The following UBASH3B variants were observed in gnomAD, a reference collection of about 807,000 sequenced individuals.
The protein encoded by UBASH3B is ubiquitin associated and SH3 domain containing B, also known as ubiquitin-associated and SH3 domain-containing protein B.
Under a neutral mutation model 83.4 loss-of-function variants are expected in UBASH3B, and 37 were observed. That is an observed-to-expected ratio of 0.44 (90% confidence interval 0.34 to 0.58). The LOEUF is 0.58. Ranked by LOEUF, UBASH3B falls within the 20% of genes least tolerant of loss-of-function variation. UBASH3B has a pLI of 0.01. For missense variants in UBASH3B, 657 were observed against 827.2 expected (o/e 0.79, Z 2.52); for synonymous variants, 304 against 318.3 (o/e 0.96, Z 0.48).
chr11:122,736,961 C>T (rs544043682), intron 1 of UBASH3B, among the ~76,000 whole-genome samples: 2 of 152,162 alleles, frequency 1.3e-5, no homozygotes, highest in Admixed American at 1.3e-4. Flanking sequence ...AAGATTTAAG[C>T]TAAGATTGAG....
At chr11:122,698,944 A>G (rs1863998478) in intron 1 of UBASH3B, among the ~76,000 whole-genome samples, 1 of 152,142 alleles carries the variant, frequency 6.6e-6, no homozygotes, top group Non-Finnish European at 1.5e-5. Context: ...TCCACCTCCC[A>G]GTTCAAGCGA....
chr11:122,674,875 T>C (rs911737155), intron 1 of UBASH3B, among the ~76,000 whole-genome samples: 5 of 151,750 alleles, frequency 3.3e-5, no homozygotes, highest in Admixed American at 1.3e-4. Context: ...ATTACAGGCG[T>C]GCACCATCAT....
In UBASH3B at chr11:122,783,109, C is replaced by T. The variant is rs1301823182; in HGVS notation, c.658C>T (p.Gln220Ter). ...ACATGTGACCCTGGCTTACCACTTCCAAGCCAGCCACCTACCCACCCTAGA... is the reference window on the plus strand; with the variant it reads ...ACATGTGACCCTGGCTTACCACTTCTAAGCCAGCCACCTACCCACCCTAGA... ...QLHVTLAYHFQASHLPTLEKL... is the reference protein window; with the variant it reads ...QLHVTLAYHF Residue 220 changes from glutamine to a stop codon, truncating the protein, a stop_gained, in exon 5 of 14, where the codon CAA becomes TAA. Coordinates refer to ENST00000284273, the MANE Select transcript of UBASH3B (RefSeq NM_032873.5). LOFTEE classifies it high-confidence loss of function. 6.2e-7 allele frequency: 1 copy of T among 1,614,142 alleles called. No homozygotes were observed. Among genetic ancestry groups the T allele is most frequent in the Non-Finnish European group, 8.5e-7 (1 of 1,180,012 alleles).
intron 1 of UBASH3B, among the ~76,000 whole-genome samples, chr11:122,746,997 C>T (rs979983461): frequency 6.6e-6 from 1 of 152,008 alleles, no homozygotes; most frequent in African/African-American, 2.4e-5. Flanking sequence ...GCAAAGTGGG[C>T]AAAGGTTCAA....
chr11:122,807,169 G>C (rs1341245132), intron 12 of UBASH3B, among the ~76,000 whole-genome samples: 1 of 152,054 alleles, frequency 6.6e-6, no homozygotes, highest in Non-Finnish European at 1.5e-5. Context: ...CTACCATAAA[G>C]GTACACAACA....
intron 1 of UBASH3B, chr11:122,774,028 G>A (rs1860691714): frequency 1.0e-6 from 1 of 984,880 alleles, no homozygotes. Flanking sequence ...CATGATTTGT[G>A]TTGTTTTGTG....
chr11:122,656,118 C>A lies in UBASH3B; in HGVS notation c.69C>A (p.Thr23=). ...AAREELYSKV[T]PRRNRQQRPG... ...GAGAGGAGCTGTACAGCAAAGTCACCCCCCGGAGGAACCGCCAACAGCGCC... is the reference window on the plus strand; with the variant it reads ...GAGAGGAGCTGTACAGCAAAGTCACACCCCGGAGGAACCGCCAACAGCGCC... Residue 23 remains threonine (T), a synonymous_variant, in exon 1 of 14, where the codon ACC becomes ACA. Coordinates refer to ENST00000284273, the MANE Select transcript of UBASH3B (RefSeq NM_032873.5). The A allele has an allele frequency of 1.2e-6, 2 of 1,600,134 alleles. No homozygotes were observed. Among genetic ancestry groups the A allele is most frequent in the Non-Finnish European group, 1.7e-6 (2 of 1,174,556 alleles).
chr11:122,733,878 CCT>C (rs1271565860), intron 1 of UBASH3B, among the ~76,000 whole-genome samples: 14 of 152,008 alleles, frequency 9.2e-5, no homozygotes, highest in Non-Finnish European at 1.6e-4. Flanking sequence ...TTTAATGTCT[CCT>C]CTCTTTTTTT....
intron 1 of UBASH3B, among the ~76,000 whole-genome samples, chr11:122,752,646 G>A (rs1159544653): frequency 6.6e-6 from 1 of 152,240 alleles, no homozygotes; most frequent in Non-Finnish European, 1.5e-5. Context: ...ATTGGCACAT[G>A]ATCCTAGTGG....
intron 8 of UBASH3B, 112 bp from the exon 9 acceptor site, chr11:122,796,797 AGT>A: frequency 7.1e-7 from 1 of 1,408,118 alleles, no homozygotes; most frequent in Non-Finnish European, 9.9e-7. Context: ...CAGAGAGCTC[AGT>A]GTGATCTCTT....
chr11:122,766,444 C>A (rs1209407568), intron 1 of UBASH3B, among the ~76,000 whole-genome samples: 1 of 152,220 alleles, frequency 6.6e-6, no homozygotes, highest in Non-Finnish European at 1.5e-5. Context: ...ACTCCAGAGG[C>A]TGAGGCAGGA....
intron 1 of UBASH3B, among the ~76,000 whole-genome samples, chr11:122,686,939 C>T (rs912312392): frequency 6.6e-6 from 1 of 151,896 alleles, no homozygotes; most frequent in African/African-American, 2.4e-5. Context: ...GCGGTCTGGG[C>T]TCACTGCAAC....
intron 1 of UBASH3B, among the ~76,000 whole-genome samples, chr11:122,682,778 T>A (rs922752288): frequency 6.6e-6 from 1 of 152,140 alleles, no homozygotes; most frequent in African/African-American, 2.4e-5. Context: ...TCACCAGCCA[T>A]CCTACAGTGA....
intron 9 of UBASH3B, chr11:122,797,245 A>C (rs750327497): frequency 5.9e-4 from 306 of 515,918 alleles, no homozygotes; most frequent in Non-Finnish European, 9.2e-4. Flanking sequence ...TGTGGTCCTT[A>C]TTGAGGAGCA....
chr11:122,721,517 C>T (rs981450682), intron 1 of UBASH3B, among the ~76,000 whole-genome samples: 17 of 152,224 alleles, frequency 1.1e-4, no homozygotes, highest in African/African-American at 3.6e-4. Flanking sequence ...TCAGAGTGAG[C>T]TTGCCTGAGA....
chr11:122,690,453 G>C (rs1223480174), intron 1 of UBASH3B, among the ~76,000 whole-genome samples: 1 of 151,476 alleles, frequency 6.6e-6, no homozygotes, highest in East Asian at 1.9e-4. Flanking sequence ...TAAGTGAAAT[G>C]CTAAGTAGGA....
At chr11:122,774,830 A>G (rs1187960671) in intron 1 of UBASH3B, among the ~76,000 whole-genome samples, 1 of 152,140 alleles carries the variant, frequency 6.6e-6, no homozygotes, top group African/African-American at 2.4e-5. Context: ...TAGATGTACC[A>G]GGTGTTTTCC....
At chr11:122,699,142 G>A (rs538139030) in intron 1 of UBASH3B, among the ~76,000 whole-genome samples, 4 of 152,222 alleles carry the variant, frequency 2.6e-5, no homozygotes, top group Non-Finnish European at 2.9e-5. Context: ...GAGCCACTGC[G>A]CCCGGATTGG....
intron 1 of UBASH3B, among the ~76,000 whole-genome samples, chr11:122,717,145 C>T (rs1019779052): frequency 6.6e-6 from 1 of 152,128 alleles, no homozygotes; most frequent in Non-Finnish European, 1.5e-5. Flanking sequence ...GTCCTCTCGC[C>T]CCCAGAAAAG....
Sources: allele counts gnomAD v4.1 joint callset (sites outside exome capture counted in the v4.1 genomes callset), GRCh38; gene constraint gnomAD v4.1.1; transcripts MANE v1.5; gene names NCBI Gene and HGNC (gene_info 2026-07-23, HGNC 2026-07-21).